Variants in FBXL13 observed in about 807,000 individuals in gnomAD.
The protein encoded by FBXL13 is F-box and leucine-rich repeat protein 13.
A neutral mutation model predicts 83.6 loss-of-function variants in FBXL13; 67 were observed. The observed-to-expected ratio is 0.80, with a 90% CI of 0.66 to 0.98. FBXL13 has a LOEUF of 0.98. Ranked by LOEUF, FBXL13 falls within the 50% of genes least tolerant of loss-of-function variation. The pLI, the probability that FBXL13 is intolerant of heterozygous loss-of-function variation, is 0.00. For synonymous variants in FBXL13, 272 were observed against 299.5 expected (o/e 0.91, Z 0.95); for missense variants, 822 against 866.5 (o/e 0.95, Z 0.64).
intron 8 of FBXL13, among the ~76,000 whole-genome samples, chr7:102,960,209 T>C (rs1824959260): frequency 2.0e-5 from 3 of 152,110 alleles, no homozygotes; most frequent in Admixed American, 6.6e-5. Context: ...CAAGCACCTC[T>C]ACGCAAATAA....
At chr7:102,894,117 G>A (rs1811959406) in intron 11 of FBXL13, among the ~76,000 whole-genome samples, 2 of 152,158 alleles carry the variant, frequency 1.3e-5, no homozygotes, top group Admixed American at 6.5e-5. Flanking sequence ...CCCTGGACAT[G>A]CCTGTGTGGC....
At chr7:102,984,540 GAGA>G (rs1828707707) in intron 6 of FBXL13, among the ~76,000 whole-genome samples, 1 of 152,212 alleles carries the variant, frequency 6.6e-6, no homozygotes, top group Non-Finnish European at 1.5e-5. Flanking sequence ...CCAAAGGCAA[GAGA>G]AGATTGATGT....
chr7:102,817,086 T>C (rs1798120460), intron 19 of FBXL13, among the ~76,000 whole-genome samples: 1 of 152,212 alleles, frequency 6.6e-6, no homozygotes, highest in Admixed American at 6.5e-5. Flanking sequence ...CAGGTGTCTT[T>C]TTGATAGAAT....
intron 10 of FBXL13, among the ~76,000 whole-genome samples, chr7:102,922,964 C>T (rs1405228871): frequency 2.0e-5 from 3 of 151,554 alleles, no homozygotes; most frequent in Admixed American, 6.6e-5. Flanking sequence ...GGCGACAGAG[C>T]GAGACTCCGT....
chr7:102,876,222 G>A (rs962014355), intron 16 of FBXL13, among the ~76,000 whole-genome samples: 5 of 152,194 alleles, frequency 3.3e-5, no homozygotes, highest in African/African-American at 1.2e-4. Context: ...AAGACTTGAA[G>A]GGGCCTTGGA....
At position 102,845,021 on chromosome 7, in the gene FBXL13, C is replaced by T. The variant is rs77582840; in HGVS notation, c.1719+9756G>A. 1.9e-3 allele frequency among the ~76,000 whole-genome samples: 286 copies of T among 152,258 alleles called. 5 individuals are homozygous for T. The highest frequency in any genetic ancestry group is 6.8e-3 in the African/African-American group (281 of 41,554). Reference sequence around the variant, plus strand: ...TCTGTCCCCACAGAGTTGGAGTGCACCCCTCTCCTGACATATGGATGTGTT... The same window carrying T: ...TCTGTCCCCACAGAGTTGGAGTGCATCCCTCTCCTGACATATGGATGTGTT... On this transcript the variant is annotated intron_variant, in intron 17 of 19. Transcript: ENST00000313221.
At chr7:102,870,066 T>C (rs771519432) in intron 16 of FBXL13, among the ~76,000 whole-genome samples, 2 of 152,232 alleles carry the variant, frequency 1.3e-5, no homozygotes, top group Non-Finnish European at 2.9e-5. Flanking sequence ...CTAGATAGCC[T>C]TATAACACAT....
intron 8 of FBXL13, among the ~76,000 whole-genome samples, chr7:102,955,002 G>A (rs1824020488): frequency 6.6e-6 from 1 of 152,128 alleles, no homozygotes; most frequent in Non-Finnish European, 1.5e-5. Flanking sequence ...AGGTTAACAA[G>A]GATATCCAGG....
At chr7:102,961,485 C>A (rs1473744779) in intron 8 of FBXL13, among the ~76,000 whole-genome samples, 1 of 142,748 alleles carries the variant, frequency 7.0e-6, no homozygotes, top group Non-Finnish European at 1.5e-5. Context: ...GAAAAAACTA[C>A]TTTAAAGTTC....
chr7:103,002,113 T>G (rs1563204602), intron 6 of FBXL13, among the ~76,000 whole-genome samples: 1 of 152,160 alleles, frequency 6.6e-6, no homozygotes, highest in African/African-American at 2.4e-5. Context: ...TTTGTCTGAA[T>G]ACTTACTTTT....
chr7:102,875,165 A>T (rs1809051619), intron 16 of FBXL13, among the ~76,000 whole-genome samples: 1 of 152,242 alleles, frequency 6.6e-6, no homozygotes. Context: ...CTTACAAAAG[A>T]ACACAGGATA....
intron 6 of FBXL13, among the ~76,000 whole-genome samples, chr7:103,023,436 C>T (rs572288450): frequency 2.0e-5 from 3 of 152,032 alleles, no homozygotes; most frequent in African/African-American, 7.3e-5. Flanking sequence ...AATCTCACAC[C>T]AGTTAGAATG....
At chr7:103,070,111 T>C (rs1020190376) in intron 1 of FBXL13, among the ~76,000 whole-genome samples, 6 of 150,670 alleles carry the variant, frequency 4.0e-5, no homozygotes, top group Non-Finnish European at 7.4e-5. Flanking sequence ...TTACTAGGTA[T>C]GTATGAAGGC....
chr7:103,023,747 A>AT (rs905027238), intron 6 of FBXL13, among the ~76,000 whole-genome samples: 2 of 152,196 alleles, frequency 1.3e-5, no homozygotes, highest in Non-Finnish European at 2.9e-5. Flanking sequence ...AGTAGACTGG[A>AT]TTTTTTAAAA....
intron 8 of FBXL13, chr7:102,944,727 C>A: frequency 1.2e-6 from 1 of 867,170 alleles, no homozygotes; most frequent in Non-Finnish European, 1.7e-6. Flanking sequence ...CTAAAGGAAG[C>A]TTTCTTTAAT....
At chr7:102,989,581 T>G (rs1187258702) in intron 6 of FBXL13, among the ~76,000 whole-genome samples, 3 of 152,224 alleles carry the variant, frequency 2.0e-5, no homozygotes, top group Non-Finnish European at 4.4e-5. Context: ...GAATGCAAGA[T>G]GCATGCATCC....
chr7:102,846,214 G>T (rs1803920256), intron 17 of FBXL13, among the ~76,000 whole-genome samples: 1 of 152,108 alleles, frequency 6.6e-6, no homozygotes, highest in Non-Finnish European at 1.5e-5. Flanking sequence ...AAATTATAAT[G>T]ATTTCTGTTT....
intron 18 of FBXL13, among the ~76,000 whole-genome samples, chr7:102,831,223 CTA>C (rs1425003003): frequency 6.6e-6 from 1 of 152,152 alleles, no homozygotes; most frequent in Admixed American, 6.5e-5. Flanking sequence ...CTTAGTTAGC[CTA>C]GCAACCCTCT....
intron 17 of FBXL13, among the ~76,000 whole-genome samples, chr7:102,834,426 G>GTGTGATTATATATATTATATATA (rs1314641816): frequency 7.0e-6 from 1 of 142,118 alleles, no homozygotes; most frequent in Non-Finnish European, 1.5e-5. Context: ...TTATATATAT[G>GTGTGATTATATATATTATATATA]TGTGATTATA....
Sources: gnomAD v4.1 joint callset for allele counts (sites outside exome capture counted in the v4.1 genomes callset) on GRCh38, gnomAD v4.1.1 for gene constraint, MANE v1.5 for transcripts, NCBI Gene and HGNC (gene_info 2026-07-23, HGNC 2026-07-21) for gene names.